The following NEK7 variants were observed in gnomAD, a reference collection of about 807,000 sequenced individuals.
NEK7 encodes the protein NIMA related kinase 7.
In NEK7, 18 loss-of-function variants were observed where a neutral mutation model predicts 44.6. The observed-to-expected ratio is 0.40, with a 90% CI of 0.28 to 0.60. NEK7 has a LOEUF of 0.60. Ranked by LOEUF, NEK7 falls within the 20% of genes least tolerant of loss-of-function variation. The pLI is 0.38. For missense variants in NEK7, 256 were observed against 366.5 expected, an observed-to-expected ratio of 0.70 and a Z score of 2.46; for synonymous variants, 130 against 121.1, an observed-to-expected ratio of 1.07 and a Z score of -0.48.
At chr1:198,197,699 C>T in intron 1 of NEK7, 1 of 487,430 alleles carries the variant, frequency 2.1e-6, no homozygotes, top group Non-Finnish European at 3.8e-6. Flanking sequence ...GGGCTACTTT[C>T]CCCTGGTACA....
intron 9 of NEK7, among the ~76,000 whole-genome samples, chr1:198,307,806 T>C (rs1012293191): frequency 1.3e-5 from 2 of 152,170 alleles, no homozygotes; most frequent in African/African-American, 4.8e-5. Flanking sequence ...TCAAGTGGCA[T>C]CCCTTTATAA....
At position 198,252,068 on chromosome 1, in the gene NEK7, C is replaced by T. The variant is rs535587210; in HGVS notation, c.58-972C>T. ...TGAATGTGTCCCAGAGATTCTGGTA[C>T]GTTGTGTCTTTGTTCTCGTTGGTTT... On this transcript the variant is annotated intron_variant, in intron 2 of 9. Transcript: ENST00000367385. 6.5e-3 allele frequency among the ~76,000 whole-genome samples: 982 copies of T among 151,878 alleles called. 12 individuals carry two copies. Among genetic ancestry groups the T allele is most frequent in the African/African-American group, 0.021 (889 of 41,456 alleles).
At chr1:198,200,302 C>T (rs79344916) in intron 1 of NEK7, among the ~76,000 whole-genome samples, 3,737 of 152,044 alleles carry the variant, frequency 0.025, 150 homozygotes, top group African/African-American at 0.085. Flanking sequence ...TTCTGTTGTC[C>T]TCCTCCTTAT....
At chr1:198,295,932 T>C (rs1422824082) in intron 8 of NEK7, among the ~76,000 whole-genome samples, 1 of 152,066 alleles carries the variant, frequency 6.6e-6, no homozygotes, top group Non-Finnish European at 1.5e-5. Flanking sequence ...GTGAAACAAC[T>C]CTTCCTAAGG....
chr1:198,232,486 G>T (rs1318644882), intron 1 of NEK7, 67 bp from the exon 2 acceptor site: 2 of 745,736 alleles, frequency 2.7e-6, no homozygotes, highest in African/African-American at 3.5e-5. Context: ...GCATGTGTCG[G>T]TGTATGATGA....
At chr1:198,168,862 T>G (rs1021253397) in intron 1 of NEK7, among the ~76,000 whole-genome samples, 9 of 152,150 alleles carry the variant, frequency 5.9e-5, no homozygotes, top group Admixed American at 2.0e-4. Flanking sequence ...GTGGCAATTT[T>G]AAGAGAGATG....
intron 5 of NEK7, among the ~76,000 whole-genome samples, chr1:198,273,815 G>T (rs1316098531): frequency 2.0e-5 from 3 of 151,692 alleles, no homozygotes; most frequent in Non-Finnish European, 4.4e-5. Flanking sequence ...GTGCCAAACA[G>T]ACATTTATTA....
At chr1:198,318,961 G>A (rs1300169128) in intron 9 of NEK7, among the ~76,000 whole-genome samples, 2 of 151,610 alleles carry the variant, frequency 1.3e-5, no homozygotes, top group Non-Finnish European at 2.9e-5. Flanking sequence ...ATATATATTT[G>A]TACAAAATGG....
rs528549620 is a variant in NEK7, at chr1:198,174,420, C to T, written c.-29+17144C>T. Among the ~76,000 whole-genome samples the T allele has an allele frequency of 7.9e-4, 119 of 151,216 alleles. 1 individual carries two copies. In the Middle Eastern group the frequency reaches 0.017, roughly 22 times the overall value. On this transcript the variant is annotated intron_variant, in intron 1 of 9. Coordinates refer to ENST00000367385, the MANE Select transcript of NEK7 (RefSeq NM_133494.3). ...AGTATTATGCTTCGTTTCTTGTGTA[C>T]GTGGGGAGGTGGGTAGGAGGGGGAG...
chr1:198,171,676 C>G (rs1664448440), intron 1 of NEK7, among the ~76,000 whole-genome samples: 1 of 143,504 alleles, frequency 7.0e-6, no homozygotes, highest in Non-Finnish European at 1.5e-5. Context: ...AAGACTCCGT[C>G]TGAAAAAAAA....
chr1:198,178,762 C>T (rs996713891), intron 1 of NEK7, among the ~76,000 whole-genome samples: 1 of 151,786 alleles, frequency 6.6e-6, no homozygotes, highest in Non-Finnish European at 1.5e-5. Flanking sequence ...TTTTAAAGAG[C>T]AGAGTTTGAA....
chr1:198,172,633 A>G (rs147534700), intron 1 of NEK7, among the ~76,000 whole-genome samples: 5 of 152,322 alleles, frequency 3.3e-5, no homozygotes, highest in Non-Finnish European at 7.3e-5. Flanking sequence ...TATAGTGCCT[A>G]CAAATCCCAG....
chr1:198,158,870 G>T lies in NEK7; in HGVS notation c.-29+1594G>T, dbSNP rs570133234. Among the ~76,000 whole-genome samples, 18 of 152,250 alleles carry T rather than the reference G, an allele frequency of 1.2e-4. No individual in the cohort carries two copies. In the South Asian group the frequency reaches 3.3e-3, roughly 28 times the overall value. On this transcript the variant is annotated intron_variant, in intron 1 of 9. Coordinates refer to ENST00000367385, the MANE Select transcript of NEK7 (RefSeq NM_133494.3). ...CATCCTCTATTTGGTCTCGCACGGG[G>T]AACTTGCTGGGGTAGGGGAGAGGTG... is the stretch of plus-strand genomic sequence containing the variant.
chr1:198,231,903 G>A (rs967077476), intron 1 of NEK7, among the ~76,000 whole-genome samples: 2 of 152,212 alleles, frequency 1.3e-5, no homozygotes, highest in African/African-American at 2.4e-5. Context: ...GAAACACGTG[G>A]TGTTGAGTAG....
At chr1:198,293,277 C>T (rs980099845) in intron 8 of NEK7, among the ~76,000 whole-genome samples, 2 of 151,768 alleles carry the variant, frequency 1.3e-5, no homozygotes, top group Non-Finnish European at 1.5e-5. Flanking sequence ...AAAGCATTAA[C>T]TTTTATGTTA....
At chr1:198,306,054 G>A (rs1441551940) in intron 9 of NEK7, among the ~76,000 whole-genome samples, 1 of 152,100 alleles carries the variant, frequency 6.6e-6, no homozygotes, top group Non-Finnish European at 1.5e-5. Flanking sequence ...TGCCCCTTAT[G>A]CCTTTGTGGC....
At chr1:198,203,273 T>G (rs4915269) in intron 1 of NEK7, among the ~76,000 whole-genome samples, 78,066 of 152,044 alleles carry the variant, frequency 0.51, 23,320 homozygotes, top group East Asian at 0.9. Context: ...TCTTCCTGGA[T>G]CATCAGTTCC....
intron 1 of NEK7, among the ~76,000 whole-genome samples, chr1:198,189,150 C>T (rs1664997776): frequency 6.6e-6 from 1 of 152,032 alleles, no homozygotes; most frequent in South Asian, 2.1e-4. Flanking sequence ...TGGCATGTTA[C>T]GTATTTTGAA....
At chr1:198,228,397 A>G in intron 1 of NEK7, among the ~76,000 whole-genome samples, 1 of 151,852 alleles carries the variant, frequency 6.6e-6, no homozygotes, top group Non-Finnish European at 1.5e-5. Context: ...TTTTCCAATT[A>G]TGTGAAGAAA....
Sources: gnomAD v4.1 joint callset for allele counts (sites outside exome capture counted in the v4.1 genomes callset) on GRCh38, gnomAD v4.1.1 for gene constraint, MANE v1.5 for transcripts, NCBI Gene and HGNC (gene_info 2026-07-23, HGNC 2026-07-21) for gene names.